Variants in DCC observed in about 807,000 individuals in gnomAD.
DCC encodes DCC netrin 1 receptor.
DCC carries 58 observed loss-of-function variants against 172.5 expected under a neutral mutation model. That is an observed-to-expected ratio of 0.34 (90% confidence interval 0.27 to 0.42). The LOEUF is 0.42. DCC is among the 10% of genes least tolerant of loss of function. The pLI, the probability that DCC is intolerant of heterozygous loss-of-function variation, is 1.00. For synonymous variants in DCC, 709 were observed against 644.5 expected (o/e 1.10, Z -1.52); for missense variants, 1,740 against 1,791.0 (o/e 0.97, Z 0.51).
At chr18:52,646,958 T>G (rs917622004) in intron 1 of DCC, among the ~76,000 whole-genome samples, 5 of 152,172 alleles carry the variant, frequency 3.3e-5, no homozygotes, top group African/African-American at 1.2e-4. Flanking sequence ...GACACTTCGA[T>G]AGCATGAAAT....
At chr18:53,188,654 G>A (rs1054351759) in intron 9 of DCC, among the ~76,000 whole-genome samples, 1 of 152,136 alleles carries the variant, frequency 6.6e-6, no homozygotes, top group African/African-American at 2.4e-5. Context: ...TTAACAAAGT[G>A]CCACAAACTT....
chr18:53,370,923 A>T lies in DCC; in HGVS notation c.2360-15120A>T, dbSNP rs543747548. ...ATTCATGCTTAACCAACAAAAAAAA[A>T]TTTTACCGAAACAAGTGATGTTCTC... On this transcript the variant is annotated intron_variant, in intron 15 of 28. Coordinates refer to ENST00000442544, the MANE Select transcript of DCC (RefSeq NM_005215.4). Among the ~76,000 whole-genome samples the T allele has an allele frequency of 5.3e-5, 8 of 151,942 alleles. No individual in the cohort carries two copies. In the East Asian group the frequency reaches 1.4e-3, roughly 26 times the overall value.
intron 1 of DCC, among the ~76,000 whole-genome samples, chr18:52,349,382 A>G (rs1367866): frequency 0.31 from 46,569 of 152,114 alleles, 8,103 homozygotes; most frequent in East Asian, 0.51. Context: ...TCCTCAATCC[A>G]TTGTTCCTGC....
chr18:52,395,662 TTTCTC>T (rs1206318676), intron 1 of DCC, among the ~76,000 whole-genome samples: 6 of 151,954 alleles, frequency 3.9e-5, no homozygotes, highest in African/African-American at 7.2e-5. Context: ...ACTTCTCGGG[TTTCTC>T]TACCCAGCTA....
At chr18:52,781,763 T>C (rs939735182) in intron 2 of DCC, among the ~76,000 whole-genome samples, 3 of 152,108 alleles carry the variant, frequency 2.0e-5, no homozygotes, top group Non-Finnish European at 2.9e-5. Context: ...AATATTCTAT[T>C]TTAGTCTTAA....
At chr18:53,338,125 G>A (rs1325137429) in intron 14 of DCC, among the ~76,000 whole-genome samples, 1 of 152,152 alleles carries the variant, frequency 6.6e-6, no homozygotes, top group East Asian at 1.9e-4. Context: ...GGTTACATGT[G>A]CTTGTATTTA....
chr18:53,296,806 G>A (rs1165254649), intron 12 of DCC, among the ~76,000 whole-genome samples: 2 of 152,104 alleles, frequency 1.3e-5, no homozygotes, highest in Non-Finnish European at 2.9e-5. Context: ...GTCCAAAACT[G>A]ATTTTAAATT....
At chr18:52,496,368 A>T (rs1421230923) in intron 1 of DCC, among the ~76,000 whole-genome samples, 1 of 152,180 alleles carries the variant, frequency 6.6e-6, no homozygotes, top group Non-Finnish European at 1.5e-5. Flanking sequence ...TAGAAATATG[A>T]AACATGTTTT....
At chr18:52,974,301 T>C (rs867828573) in intron 5 of DCC, among the ~76,000 whole-genome samples, 6 of 152,162 alleles carry the variant, frequency 3.9e-5, no homozygotes, top group Non-Finnish European at 7.4e-5. Flanking sequence ...GTCTTTTATC[T>C]GGTGCTAGTA....
intron 5 of DCC, among the ~76,000 whole-genome samples, chr18:53,041,852 T>C (rs1242994271): frequency 1.3e-5 from 2 of 152,112 alleles, no homozygotes; most frequent in Admixed American, 6.6e-5. Context: ...TTTTCCACAT[T>C]GATTTTGTAT....
chr18:52,614,194 G>A lies in DCC; in HGVS notation c.92-137860G>A, dbSNP rs568774048. Among the ~76,000 whole-genome samples, 8 of 152,234 alleles carry A rather than the reference G, an allele frequency of 5.3e-5. No homozygotes were observed. In the South Asian group the frequency reaches 1.0e-3, roughly 20 times the overall value. ...ATGTGTTTAATGCATATAATTTAAT[G>A]TTAAAAATAAAATGGTGAGTCTTAA... is the stretch of plus-strand genomic sequence containing the variant. On this transcript the variant is annotated intron_variant, in intron 1 of 28. Transcript: ENST00000442544.
intron 1 of DCC, among the ~76,000 whole-genome samples, chr18:52,423,690 C>T (rs1987328072): frequency 6.6e-6 from 1 of 152,082 alleles, no homozygotes; most frequent in South Asian, 2.1e-4. Flanking sequence ...GTAATCTATC[C>T]TCAGCTGTTG....
At chr18:52,956,111 T>G (rs566686374) in intron 5 of DCC, among the ~76,000 whole-genome samples, 1 of 152,140 alleles carries the variant, frequency 6.6e-6, no homozygotes, top group Non-Finnish European at 1.5e-5. Context: ...GATTTTGCCT[T>G]TAGTGTTGTA....
chr18:53,355,975 T>C (rs1213081798), intron 15 of DCC, among the ~76,000 whole-genome samples: 2 of 152,182 alleles, frequency 1.3e-5, no homozygotes, highest in Admixed American at 1.3e-4. Context: ...TTATTATTTC[T>C]TCACATAGTT....
chr18:52,410,458 A>C (rs1986806338), intron 1 of DCC, among the ~76,000 whole-genome samples: 1 of 152,034 alleles, frequency 6.6e-6, no homozygotes. Flanking sequence ...AACAACAACA[A>C]CTGTATGAAA....
rs554393376 is a variant in DCC, at chr18:52,672,851, T to C, written c.92-79203T>C. ...GGGAGGCAAAGGCAAGAGGATCACT[T>C]TGGCAAAGAGTTTAAGACCAGCCTG... On this transcript the variant is annotated intron_variant, in intron 1 of 28. Coordinates refer to ENST00000442544, the MANE Select transcript of DCC (RefSeq NM_005215.4). 1.4e-3 allele frequency among the ~76,000 whole-genome samples: 210 copies of C among 152,256 alleles called. 2 individuals carry two copies. Among genetic ancestry groups the C allele is most frequent in the Non-Finnish European group, 2.3e-3 (156 of 68,028 alleles).
At chr18:53,250,934 G>T (rs2056422973) in intron 12 of DCC, among the ~76,000 whole-genome samples, 1 of 151,864 alleles carries the variant, frequency 6.6e-6, no homozygotes, top group Admixed American at 6.6e-5. Flanking sequence ...CCTCTATGCT[G>T]TTCTTTCCGA....
intron 2 of DCC, among the ~76,000 whole-genome samples, chr18:52,874,813 A>C (rs984326685): frequency 5.3e-5 from 8 of 152,304 alleles, no homozygotes; most frequent in Admixed American, 2.6e-4. Flanking sequence ...ACAGGGCCAC[A>C]GGGGAAAGAA....
chr18:52,691,827 A>G (rs1368679107), intron 1 of DCC, among the ~76,000 whole-genome samples: 2 of 152,066 alleles, frequency 1.3e-5, no homozygotes, highest in East Asian at 3.9e-4. Flanking sequence ...CTCCCACCCT[A>G]TCCTGGGTAG....
Sources: gnomAD v4.1 joint callset for allele counts (sites outside exome capture counted in the v4.1 genomes callset) on GRCh38, gnomAD v4.1.1 for gene constraint, MANE v1.5 for transcripts, NCBI Gene and HGNC (gene_info 2026-07-23, HGNC 2026-07-21) for gene names.